CNTNAP2: variants seen among roughly 807,000 people sequenced by gnomAD.
The protein encoded by CNTNAP2 is contactin-associated protein-like 2.
A neutral mutation model predicts 155.2 loss-of-function variants in CNTNAP2; 98 were observed. That is an observed-to-expected ratio of 0.63 (90% CI 0.54 to 0.75). The LOEUF (loss-of-function observed/expected upper bound fraction) is 0.75, where lower values mean the gene tolerates loss of function less well. Among genes scored for constraint, CNTNAP2 ranks in the 30% least tolerant of loss-of-function variants. The pLI, the probability that CNTNAP2 is intolerant of heterozygous loss-of-function variation, is 0.00. For synonymous variants in CNTNAP2, 651 were observed against 631.2 expected (o/e 1.03, Z -0.47); for missense variants, 1,727 against 1,688.1 (o/e 1.02, Z -0.40).
At chr7:146,554,651 T>C (rs983628693) in intron 1 of CNTNAP2, among the ~76,000 whole-genome samples, 7 of 152,182 alleles carry the variant, frequency 4.6e-5, no homozygotes, top group Admixed American at 2.0e-4. Flanking sequence ...GTTTGACTTA[T>C]TTGCTTTTCT....
intron 13 of CNTNAP2, among the ~76,000 whole-genome samples, chr7:147,809,626 G>A (rs79136385): frequency 0.033 from 4,952 of 152,146 alleles, 136 homozygotes; most frequent in Non-Finnish European, 0.051. Flanking sequence ...GCTTTTCTGC[G>A]TCATTATTTT....
intron 1 of CNTNAP2, among the ~76,000 whole-genome samples, chr7:146,768,823 G>A (rs916248982): frequency 6.6e-6 from 1 of 152,140 alleles, no homozygotes; most frequent in Non-Finnish European, 1.5e-5. Context: ...AAGTGTTATA[G>A]TTTAAACATA....
intron 9 of CNTNAP2, among the ~76,000 whole-genome samples, chr7:147,389,141 G>C (rs1034849654): frequency 1.3e-5 from 2 of 151,952 alleles, no homozygotes; most frequent in Non-Finnish European, 2.9e-5. Context: ...TTTTGACTAA[G>C]TTATTCAGGA....
At chr7:147,299,034 CTCTT>C (rs1012845011) in intron 8 of CNTNAP2, among the ~76,000 whole-genome samples, 1 of 152,030 alleles carries the variant, frequency 6.6e-6, no homozygotes, top group Non-Finnish European at 1.5e-5. Flanking sequence ...CGTTAGAGTT[CTCTT>C]TCTTTTGTGA....
intron 14 of CNTNAP2, among the ~76,000 whole-genome samples, chr7:147,948,926 G>T (rs142400803): frequency 6.6e-6 from 1 of 152,114 alleles, no homozygotes; most frequent in African/African-American, 2.4e-5. Context: ...TAATGGCCAA[G>T]CACGGTGGCC....
At chr7:147,042,570 G>A (rs981813433) in intron 3 of CNTNAP2, among the ~76,000 whole-genome samples, 18 of 151,614 alleles carry the variant, frequency 1.2e-4, no homozygotes, top group Middle Eastern at 3.2e-3. Flanking sequence ...AACATCTCTC[G>A]CTCTTTACTT....
chr7:147,382,835 AAT>A (rs1231474346), intron 9 of CNTNAP2, among the ~76,000 whole-genome samples: 1 of 152,204 alleles, frequency 6.6e-6, no homozygotes, highest in Non-Finnish European at 1.5e-5. Context: ...GAAAACCTCG[AAT>A]GATGTAGTAC....
At chr7:147,809,258 C>A (rs1798143734) in intron 13 of CNTNAP2, among the ~76,000 whole-genome samples, 1 of 152,182 alleles carries the variant, frequency 6.6e-6, no homozygotes, top group Non-Finnish European at 1.5e-5. Context: ...CATACTAATG[C>A]CATCTTGAAT....
intron 1 of CNTNAP2, among the ~76,000 whole-genome samples, chr7:146,630,213 A>G (rs927702921): frequency 6.6e-6 from 1 of 151,898 alleles, no homozygotes; most frequent in African/African-American, 2.4e-5. Flanking sequence ...AACTCCCACT[A>G]ATGAGTGAGA....
At chr7:148,334,867 A>T (rs2116569455) in intron 21 of CNTNAP2, among the ~76,000 whole-genome samples, 1 of 152,358 alleles carries the variant, frequency 6.6e-6, no homozygotes, top group East Asian at 1.9e-4. Context: ...AGACACAGCC[A>T]GGGGAAACCT....
At chr7:146,562,463 A>G (rs945768739) in intron 1 of CNTNAP2, among the ~76,000 whole-genome samples, 2 of 151,970 alleles carry the variant, frequency 1.3e-5, no homozygotes, top group East Asian at 1.9e-4. Context: ...TACTTGATAA[A>G]CCAAACTTAA....
intron 3 of CNTNAP2, among the ~76,000 whole-genome samples, chr7:146,850,964 G>C (rs1020134290): frequency 1.3e-5 from 2 of 151,878 alleles, no homozygotes; most frequent in Admixed American, 6.6e-5. Context: ...TTGTATATAA[G>C]ATGTTGGTAT....
At chr7:148,364,006 G>A (rs900813727) in intron 21 of CNTNAP2, among the ~76,000 whole-genome samples, 26 of 152,194 alleles carry the variant, frequency 1.7e-4, no homozygotes, top group Non-Finnish European at 2.5e-4. Context: ...GCCCACCGGC[G>A]CTGCGCTCGA....
At chr7:146,536,156 T>C (rs1012539235) in intron 1 of CNTNAP2, among the ~76,000 whole-genome samples, 2 of 152,084 alleles carry the variant, frequency 1.3e-5, no homozygotes, top group Admixed American at 6.6e-5. Context: ...AGATTGTTAT[T>C]TTTGAACCAC....
rs760821011 is a variant in CNTNAP2, at chr7:147,588,101, AAGAT to A, written c.1897+25858_1897+25861del. 2.2e-4 allele frequency among the ~76,000 whole-genome samples: 34 copies of A among 152,282 alleles called. 1 individual carries two copies. The highest frequency in any genetic ancestry group is 3.1e-4 in the Non-Finnish European group (21 of 68,024). On this transcript the variant is annotated intron_variant, in intron 12 of 23. Coordinates refer to ENST00000361727, the MANE Select transcript of CNTNAP2 (RefSeq NM_014141.6). ...ACTCAGAACTATTTCTGAATCCAAAAAGATAGATAGATAGATAAAGCTACTTTAT... is the reference window on the plus strand; with the variant it reads ...ACTCAGAACTATTTCTGAATCCAAAAAGATAGATAGATAAAGCTACTTTAT...
intron 4 of CNTNAP2, among the ~76,000 whole-genome samples, chr7:147,053,375 AACTT>A (rs1396953749): frequency 2.0e-5 from 3 of 152,078 alleles, no homozygotes; most frequent in Non-Finnish European, 1.5e-5. Context: ...ACTTGGAAGA[AACTT>A]ACAATTGACT....
At chr7:146,483,508 T>C (rs887395078) in intron 1 of CNTNAP2, among the ~76,000 whole-genome samples, 45 of 149,796 alleles carry the variant, frequency 3.0e-4, no homozygotes, top group South Asian at 4.2e-4. Flanking sequence ...TGTGTGTGTG[T>C]GCGTGTGTGT....
chr7:147,606,618 A>G (rs1801068582), intron 12 of CNTNAP2, among the ~76,000 whole-genome samples: 1 of 152,206 alleles, frequency 6.6e-6, no homozygotes, highest in African/African-American at 2.4e-5. Flanking sequence ...GTAAGGGAAT[A>G]AGGATTAAAC....
At position 147,391,159 on chromosome 7, in the gene CNTNAP2, C is replaced by T. The variant is rs150220693; in HGVS notation, c.1499-4450C>T. Among the ~76,000 whole-genome samples, 897 of 152,222 alleles carry T rather than the reference C, an allele frequency of 5.9e-3. 22 individuals carry two copies. The highest frequency in any genetic ancestry group is 0.048 in the East Asian group (246 of 5,168). ...ACCACATATACAATGGTAGATTATG[C>T]ACAGAGAAACCAAATTAGACTCTCT... On this transcript the variant is annotated intron_variant, in intron 9 of 23. Transcript: ENST00000361727.
Sources: gnomAD v4.1 joint callset for allele counts (sites outside exome capture counted in the v4.1 genomes callset) on GRCh38, gnomAD v4.1.1 for gene constraint, MANE v1.5 for transcripts, NCBI Gene and HGNC (gene_info 2026-07-23, HGNC 2026-07-21) for gene names.